ST8SIA1: variants seen among roughly 807,000 people sequenced by gnomAD.
ST8SIA1 encodes alpha-N-acetylneuraminide alpha-2,8-sialyltransferase.
A neutral mutation model predicts 35.9 loss-of-function variants in ST8SIA1; 16 were observed. That is an observed-to-expected ratio of 0.45 (90% confidence interval 0.30 to 0.68). ST8SIA1 has a LOEUF of 0.68. Among genes scored for constraint, ST8SIA1 ranks in the 30% least tolerant of loss-of-function variants. The pLI is 0.09. For missense variants in ST8SIA1, 383 were observed against 453.6 expected, an observed-to-expected ratio of 0.84 and a Z score of 1.41; for synonymous variants, 170 against 169.6, an observed-to-expected ratio of 1.00 and a Z score of -0.02.
chr12:22,312,244 T>C (rs185743712), intron 1 of ST8SIA1, among the ~76,000 whole-genome samples: 229 of 152,264 alleles, frequency 1.5e-3, no homozygotes, highest in African/African-American at 5.3e-3. Context: ...GGTCCTAGAA[T>C]AGGACATGAA....
intron 4 of ST8SIA1, among the ~76,000 whole-genome samples, chr12:22,241,582 T>G (rs572879956): frequency 6.7e-6 from 1 of 148,970 alleles, no homozygotes; most frequent in Admixed American, 6.9e-5. Context: ...TCTTTAAGAA[T>G]TACCCAGACT....
intron 2 of ST8SIA1, among the ~76,000 whole-genome samples, chr12:22,259,826 ACCT>A (rs1346550738): frequency 1.3e-5 from 2 of 152,034 alleles, no homozygotes; most frequent in Non-Finnish European, 2.9e-5. Flanking sequence ...CTCACAGAAT[ACCT>A]CCTCAATTTC....
chr12:22,253,773 G>A (rs1865698821), intron 3 of ST8SIA1, among the ~76,000 whole-genome samples: 1 of 152,142 alleles, frequency 6.6e-6, no homozygotes, highest in South Asian at 2.1e-4. Flanking sequence ...AAACTATGCT[G>A]AGGGTACCTG....
intron 1 of ST8SIA1, among the ~76,000 whole-genome samples, chr12:22,333,406 A>G (rs953529798): frequency 6.6e-6 from 1 of 152,226 alleles, no homozygotes; most frequent in African/African-American, 2.4e-5. Context: ...TGAGATAATA[A>G]TACTAGACAG....
At chr12:22,255,228 G>T in intron 3 of ST8SIA1, 52 bp downstream of exon 3, 1 of 1,429,036 alleles carries the variant, frequency 7.0e-7, no homozygotes, top group Non-Finnish European at 9.9e-7. Context: ...TTATGGGAGG[G>T]GTGGGGAAAA....
intron 4 of ST8SIA1, among the ~76,000 whole-genome samples, chr12:22,215,782 C>T (rs1290785524): frequency 6.6e-6 from 1 of 152,208 alleles, no homozygotes. Flanking sequence ...TTCATAGCAT[C>T]TCTTAAGTTT....
chr12:22,205,235 T>C (rs530935411), intron 4 of ST8SIA1, among the ~76,000 whole-genome samples: 1 of 152,336 alleles, frequency 6.6e-6, no homozygotes, highest in East Asian at 1.9e-4. Context: ...ATTCATCCTT[T>C]AATTTTTATA....
chr12:22,229,832 C>G (rs1020726936), intron 4 of ST8SIA1, among the ~76,000 whole-genome samples: 1 of 152,074 alleles, frequency 6.6e-6, no homozygotes, highest in Non-Finnish European at 1.5e-5. Context: ...AGAAGAGATT[C>G]AAGGCCTGGG....
intron 1 of ST8SIA1, among the ~76,000 whole-genome samples, chr12:22,290,671 G>C (rs1866163273): frequency 6.6e-6 from 1 of 152,178 alleles, no homozygotes; most frequent in East Asian, 1.9e-4. Context: ...AGGGTTTCCT[G>C]ATCTGAGATT....
chr12:22,201,264 A>G lies in ST8SIA1; in HGVS notation c.*288T>C, dbSNP rs1591822053. The G allele has an allele frequency of 3.3e-6, 1 of 303,190 alleles. No homozygotes were observed. Among genetic ancestry groups the G allele is most frequent in the East Asian group, 6.4e-5 (1 of 15,658 alleles). 18.8% of individuals were successfully genotyped at this position (303,190 alleles called of 1,614,324 possible). On this transcript the variant is annotated 3_prime_UTR_variant, in exon 5 of 5. Coordinates refer to ENST00000396037, the MANE Select transcript of ST8SIA1 (RefSeq NM_003034.4). ...CAACTCGAGTCTGTCTTGTTTTTGAACTGCATCTTCTAGATTTGAACCATG... is the reference window on the plus strand; with the variant it reads ...CAACTCGAGTCTGTCTTGTTTTTGAGCTGCATCTTCTAGATTTGAACCATG...
In ST8SIA1 at chr12:22,201,783, C is replaced by G; in HGVS notation, c.840G>C (p.Val280=). ...AKRLSTGLFL[V]SAALGLCEEV... ...CTTCACAGAGACCCAGAGCTGCGCT[C>G]ACCAGAAAAAGTCCTGTGGACAGGC... Residue 280 remains valine (V), a synonymous_variant, in exon 5 of 5, where the codon GTG becomes GTC. Transcript: ENST00000396037. 6.2e-7 allele frequency: 1 copy of G among 1,614,156 alleles called. No homozygotes were observed.
At chr12:22,306,355 T>C (rs1034773259) in intron 1 of ST8SIA1, among the ~76,000 whole-genome samples, 2 of 152,144 alleles carry the variant, frequency 1.3e-5, no homozygotes, top group African/African-American at 4.8e-5. Context: ...CCTTATTCTT[T>C]CTTTCTTTTT....
chr12:22,329,515 C>T (rs1405649685), intron 1 of ST8SIA1, among the ~76,000 whole-genome samples: 1 of 152,146 alleles, frequency 6.6e-6, no homozygotes, highest in South Asian at 2.1e-4. Flanking sequence ...AGCATCAAAA[C>T]TTATTAAACC....
rs1236638748 is a variant in ST8SIA1 at position 22,198,826 on chromosome 12, A to G, written c.*2726T>C. On this transcript the variant is annotated 3_prime_UTR_variant, in exon 5 of 5. Coordinates refer to ENST00000396037, the MANE Select transcript of ST8SIA1 (RefSeq NM_003034.4). Reference sequence around the variant, plus strand: ...ATAATTATTTTGCTGTGAGAGGCTGACTTGTGCATTGTAAGATCTTTAGCA... The same window carrying G: ...ATAATTATTTTGCTGTGAGAGGCTGGCTTGTGCATTGTAAGATCTTTAGCA... 6.6e-6 allele frequency: 1 copy of G among 152,148 alleles called. No individual in the cohort carries two copies. The highest frequency in any genetic ancestry group is 2.4e-5 in the African/African-American group (1 of 41,426). 9.4% of individuals were successfully genotyped at this position (152,148 alleles called of 1,614,324 possible).
intron 1 of ST8SIA1, among the ~76,000 whole-genome samples, chr12:22,317,838 T>C (rs1866539718): frequency 6.6e-6 from 1 of 152,184 alleles, no homozygotes; most frequent in Admixed American, 6.5e-5. Flanking sequence ...GGACCCATCT[T>C]AGAGGTTGTG....
chr12:22,310,719 T>C (rs1184364110), intron 1 of ST8SIA1, among the ~76,000 whole-genome samples: 1 of 152,194 alleles, frequency 6.6e-6, no homozygotes, highest in Non-Finnish European at 1.5e-5. Context: ...CAAAAAATGC[T>C]GACTTTTCTC....
chr12:22,212,016 T>A (rs1184866145), intron 4 of ST8SIA1, among the ~76,000 whole-genome samples: 1 of 152,204 alleles, frequency 6.6e-6, no homozygotes, highest in African/African-American at 2.4e-5. Context: ...CGGCCCTAAC[T>A]TACTATTTTC....
At chr12:22,250,202 C>T (rs1403756272) in intron 3 of ST8SIA1, among the ~76,000 whole-genome samples, 2 of 152,234 alleles carry the variant, frequency 1.3e-5, no homozygotes, top group African/African-American at 4.8e-5. Flanking sequence ...ATTCAAATCC[C>T]ATGGCTTTCT....
chr12:22,303,415 T>C (rs556733149), intron 1 of ST8SIA1, among the ~76,000 whole-genome samples: 1 of 152,220 alleles, frequency 6.6e-6, no homozygotes, highest in Admixed American at 6.5e-5. Flanking sequence ...TTTTATGATG[T>C]CTGAACTCTC....
Sources: allele counts gnomAD v4.1 joint callset (sites outside exome capture counted in the v4.1 genomes callset), GRCh38; gene constraint gnomAD v4.1.1; transcripts MANE v1.5; gene names NCBI Gene and HGNC (gene_info 2026-07-23, HGNC 2026-07-21).